The following DYNC2I1 variants were observed in gnomAD, a reference collection of about 807,000 sequenced individuals.
The protein encoded by DYNC2I1 is dynein 2 intermediate chain 1, also known as cytoplasmic dynein 2 intermediate chain 1.
DYNC2I1 carries 89 observed loss-of-function variants against 133.4 expected under a neutral mutation model. The observed-to-expected ratio is 0.67, with a 90% CI of 0.56 to 0.80. DYNC2I1 has a LOEUF of 0.80. DYNC2I1 is among the 30% of genes least tolerant of loss of function. The pLI is 0.00. For synonymous variants in DYNC2I1, 504 were observed against 484.3 expected (o/e 1.04, Z -0.54); for missense variants, 1,291 against 1,314.5 (o/e 0.98, Z 0.28).
intron 1 of DYNC2I1, among the ~76,000 whole-genome samples, chr7:158,863,339 C>G (rs1247719069): frequency 1.3e-5 from 2 of 152,238 alleles, no homozygotes; most frequent in South Asian, 2.1e-4. Context: ...AGACAGAGTC[C>G]TGATTGGTGT....
Position 158,943,633 on chromosome 7 carries a change from G to C in DYNC2I1, c.3002+1485G>C, listed in dbSNP as rs77998094. Among the ~76,000 whole-genome samples, 875 of 152,290 alleles carry C rather than the reference G, an allele frequency of 5.7e-3. 58 individuals are homozygous for C. In the East Asian group the frequency reaches 0.13, roughly 22 times the overall value. Reference sequence around the variant, plus strand: ...GTGCTGCTGTGGCGGGGACCGGAGGGTCTGAGCACAGGAGCCCCAGCTCTG... The same window carrying C: ...GTGCTGCTGTGGCGGGGACCGGAGGCTCTGAGCACAGGAGCCCCAGCTCTG... On this transcript the variant is annotated intron_variant, in intron 24 of 24. Coordinates refer to ENST00000407559, the MANE Select transcript of DYNC2I1 (RefSeq NM_018051.5).
Position 158,945,848 on chromosome 7 carries a change from A to T in DYNC2I1, c.*69A>T, listed in dbSNP as rs1167322313. The T allele has an allele frequency of 6.4e-6, 9 of 1,397,442 alleles. No individual in the cohort carries two copies. Among genetic ancestry groups the T allele is most frequent in the Non-Finnish European group, 7.6e-6 (8 of 1,055,932 alleles). 86.6% of individuals were successfully genotyped at this position (1,397,442 alleles called of 1,614,324 possible). A position where few individuals can be genotyped will look rare whatever the true frequency, so the allele number is the denominator to read the frequency against. ...TAAAAGACATAAGGTGGATAATTCT[A>T]CATTTGTGTGCAAGTATATTTATGT... On this transcript the variant is annotated 3_prime_UTR_variant, in exon 25 of 25. Transcript: ENST00000407559. The surrounding 1 kb of genome is among the most constrained non-coding windows in gnomAD (Gnocchi z 4.1).
upstream of DYNC2I1, among the ~76,000 whole-genome samples, chr7:158,855,031 G>A (rs1841142517): frequency 6.6e-6 from 1 of 152,216 alleles, no homozygotes; most frequent in African/African-American, 2.4e-5. Context: ...AGAGGGTGTT[G>A]GGCGACTCGG....
At chr7:158,867,652 T>G (rs1240722501) in intron 1 of DYNC2I1, among the ~76,000 whole-genome samples, 2 of 151,564 alleles carry the variant, frequency 1.3e-5, no homozygotes, top group African/African-American at 4.9e-5. Flanking sequence ...GGGGGTGGCG[T>G]GGGGGGACGT....
intron 23 of DYNC2I1, among the ~76,000 whole-genome samples, chr7:158,938,685 G>A (rs1205325109): frequency 1.3e-5 from 2 of 152,188 alleles, no homozygotes; most frequent in Admixed American, 6.6e-5. Flanking sequence ...TAACATGGGA[G>A]GCAAAGGTTG....
At position 158,945,980 on chromosome 7, in the gene DYNC2I1, C is replaced by T; in HGVS notation, c.*201C>T. 1 of 521,330 alleles carries T rather than the reference C, an allele frequency of 1.9e-6. No individual in the cohort carries two copies. The highest frequency in any genetic ancestry group is 3.0e-6 in the Non-Finnish European group (1 of 334,134). 32.3% of individuals were successfully genotyped at this position (521,330 alleles called of 1,614,324 possible). A position where few individuals can be genotyped will look rare whatever the true frequency, so the allele number is the denominator to read the frequency against. On this transcript the variant is annotated 3_prime_UTR_variant, in exon 25 of 25. Coordinates refer to ENST00000407559, the MANE Select transcript of DYNC2I1 (RefSeq NM_018051.5). The surrounding 1 kb of genome is among the most constrained non-coding windows in gnomAD (Gnocchi z 4.1). ...TGAGTGGAAACAAAGAACATTCTAGCATTTACAAAACTTCCAGGGGAATGT... is the reference window on the plus strand; with the variant it reads ...TGAGTGGAAACAAAGAACATTCTAGTATTTACAAAACTTCCAGGGGAATGT...
rs565865994 is a variant in DYNC2I1 at position 158,872,336 on chromosome 7, A to C, written c.490+774A>C. Among the ~76,000 whole-genome samples the C allele has an allele frequency of 3.3e-5, 5 of 151,732 alleles. No homozygotes were observed. The East Asian group carries it at 9.8e-4, about 30-fold the overall frequency. On this transcript the variant is annotated intron_variant, in intron 3 of 24. Coordinates refer to ENST00000407559, the MANE Select transcript of DYNC2I1 (RefSeq NM_018051.5). ...GTCTCAAAAGAAAAACAAAAGCTCT[A>C]AAAACCATTTAGCCAGCTGGGCGCG...
chr7:158,914,177 A>G (rs370354934), intron 13 of DYNC2I1, 56 bp from the exon 14 acceptor site: 1 of 1,423,882 alleles, frequency 7.0e-7, no homozygotes, highest in Non-Finnish European at 9.7e-7. Context: ...AAGATGTGTA[A>G]TGCATGATTA....
chr7:158,915,636 T>C (rs1262124185), intron 14 of DYNC2I1, among the ~76,000 whole-genome samples: 3 of 122,354 alleles, frequency 2.5e-5, no homozygotes, highest in African/African-American at 9.7e-5. Context: ...GACAGGATGA[T>C]TGTGAAACCT....
chr7:158,894,730 A>T (rs1364164802), intron 8 of DYNC2I1, among the ~76,000 whole-genome samples: 1 of 152,222 alleles, frequency 6.6e-6, no homozygotes, highest in Non-Finnish European at 1.5e-5. Context: ...GCTGGATCAT[A>T]TGATGAGAGT....
intron 15 of DYNC2I1, among the ~76,000 whole-genome samples, chr7:158,920,322 C>T (rs768928159): frequency 1.4e-5 from 2 of 143,588 alleles, no homozygotes; most frequent in African/African-American, 2.6e-5. Context: ...CATACTGCAG[C>T]GCCGGGCCTC....
In DYNC2I1 at chr7:158,863,975, G is replaced by A. The variant is rs1360818291; in HGVS notation, c.16-5880G>A. Among the ~76,000 whole-genome samples the A allele has an allele frequency of 2.1e-5, 3 of 145,262 alleles. No homozygotes were observed. In the South Asian group the frequency reaches 6.9e-4, roughly 33 times the overall value. On this transcript the variant is annotated intron_variant, in intron 1 of 24. Transcript: ENST00000407559. ...GGACGTCCTTAGCTCCTGGTGTTGC[G>A]GGGAGCAGGACGTCCTTAGCTGCGG...
At chr7:158,949,237 C>T (rs1851978918), downstream of DYNC2I1, among the ~76,000 whole-genome samples, 1 of 152,258 alleles carries the variant, frequency 6.6e-6, no homozygotes, top group African/African-American at 2.4e-5. Context: ...TCTGAAGATA[C>T]AGAGTCACAC....
At chr7:158,867,198 G>A (rs1842487449) in intron 1 of DYNC2I1, among the ~76,000 whole-genome samples, 1 of 152,126 alleles carries the variant, frequency 6.6e-6, no homozygotes, top group Non-Finnish European at 1.5e-5. Context: ...TACCAGGGTT[G>A]TGGGGTTGTA....
chr7:158,879,793 G>C lies in DYNC2I1; in HGVS notation c.683G>C (p.Arg228Pro), dbSNP rs758249537. The C allele has an allele frequency of 1.9e-6, 3 of 1,612,462 alleles. No individual in the cohort carries two copies. The highest frequency in any genetic ancestry group is 2.5e-6 in the Non-Finnish European group (3 of 1,179,502). Reference protein sequence around the residue: ...PREPDRDNKHREKSSTREKRE... With the variant: ...PREPDRDNKHPEKSSTREKRE... The stretch of plus-strand genomic sequence containing the variant: ...GAGCCAGATCGAGACAACAAACACC[G>C]AGAAAAAAGCAGCACAAGGGAAAAA... The change falls in exon 5 of 25, where the codon CGA becomes CCA. Residue 228 changes from arginine to proline, a missense_variant. Arg to Pro is a moderately radical substitution (Grantham distance 103). Coordinates refer to ENST00000407559, the MANE Select transcript of DYNC2I1 (RefSeq NM_018051.5).
chr7:158,956,368 G>A (rs1193933854), intron 4 of DYNC2I1, among the ~76,000 whole-genome samples: 4 of 152,236 alleles, frequency 2.6e-5, no homozygotes, highest in African/African-American at 9.6e-5. Flanking sequence ...ACCGTTCCTG[G>A]AGGGGCCACC....
At chr7:158,849,647 C>T in the DYNC2I1 span, among the ~76,000 whole-genome samples, 78 of 152,336 alleles carry the variant, frequency 5.1e-4, no homozygotes, top group Non-Finnish European at 1.0e-3. Context: ...AAGGCAGCTC[C>T]GCTCTGCAGC....
chr7:158,918,538 C>T (rs1848705194), intron 14 of DYNC2I1, among the ~76,000 whole-genome samples: 1 of 152,134 alleles, frequency 6.6e-6, no homozygotes, highest in Non-Finnish European at 1.5e-5. Context: ...TGATGATTCT[C>T]CTGTGGAGTT....
At position 158,934,324 on chromosome 7, in the gene DYNC2I1, C is replaced by CT. The variant is rs35962377; in HGVS notation, c.2647-91dup. On this transcript the variant is annotated intron_variant, in intron 22 of 24. Coordinates refer to ENST00000407559, the MANE Select transcript of DYNC2I1 (RefSeq NM_018051.5). The stretch of plus-strand genomic sequence containing the variant: ...TGATTTAGGATTAACTTACTCTTTT[C>CT]TTTATAAAGTTTAAATTGTTTGAGG... 0.83 allele frequency: 1,259,735 copies of CT among 1,526,304 alleles called. 521,084 individuals are homozygous for CT. Among genetic ancestry groups the CT allele is most frequent in the East Asian group, 0.94 (40,509 of 42,958 alleles). The allele number at this position is 1,526,304 out of a possible 1,614,324, so 94.5% of individuals were successfully genotyped here. A position where few individuals can be genotyped will look rare whatever the true frequency, so the allele number is the denominator to read the frequency against.
Sources: allele counts gnomAD v4.1 joint callset (sites outside exome capture counted in the v4.1 genomes callset), GRCh38; gene constraint gnomAD v4.1.1; non-coding constraint Gnocchi (gnomAD v3.1); transcripts MANE v1.5; gene names NCBI Gene and HGNC (gene_info 2026-07-23, HGNC 2026-07-21).